GTF2H1: variants seen among roughly 807,000 people sequenced by gnomAD.
The protein encoded by GTF2H1 is BTF2 p62.
In GTF2H1, 16 loss-of-function variants were observed where a neutral mutation model predicts 71.2. That is an observed-to-expected ratio of 0.22 (90% CI 0.15 to 0.34). The LOEUF is 0.34. GTF2H1 is among the 10% of genes least tolerant of loss of function. The pLI, the probability that GTF2H1 is intolerant of heterozygous loss-of-function variation, is 1.00. For synonymous variants in GTF2H1, 215 were observed against 219.0 expected, an observed-to-expected ratio of 0.98 and a Z score of 0.16; for missense variants, 498 against 648.2, an observed-to-expected ratio of 0.77 and a Z score of 2.52.
At chr11:18,364,649 G>A (rs548045729) in intron 14 of GTF2H1, among the ~76,000 whole-genome samples, 3 of 152,210 alleles carry the variant, frequency 2.0e-5, no homozygotes, top group African/African-American at 4.8e-5. Context: ...TCCATGATGA[G>A]GGCAAAATTC....
intron 7 of GTF2H1, among the ~76,000 whole-genome samples, chr11:18,343,694 C>G (rs189568659): frequency 6.6e-5 from 10 of 152,334 alleles, no homozygotes; most frequent in Admixed American, 5.2e-4. Context: ...TCAGGTATTT[C>G]AAAGACATCT....
At chr11:18,325,229 A>G (rs1864733460) in intron 1 of GTF2H1, among the ~76,000 whole-genome samples, 1 of 152,250 alleles carries the variant, frequency 6.6e-6, no homozygotes, top group Non-Finnish European at 1.5e-5. Flanking sequence ...GCAGAGGTGC[A>G]GTAATGTAAA....
chr11:18,355,049 A>G lies in GTF2H1; in HGVS notation c.1260+2603A>G, dbSNP rs576026141. 1.2e-4 allele frequency among the ~76,000 whole-genome samples: 18 copies of G among 151,808 alleles called. No individual in the cohort carries two copies. The East Asian group carries it at 1.6e-3, about 13-fold the overall frequency. ...GGTCTTTAACTCCTGAGCTCAAGCA[A>G]TCCACTCGCCTCGGCCTCCCAAAGT... On this transcript the variant is annotated intron_variant, in intron 11 of 14. Coordinates refer to ENST00000265963, the MANE Select transcript of GTF2H1 (RefSeq NM_005316.4).
intron 14 of GTF2H1, 127 bp from the exon 15 acceptor site, chr11:18,365,656 C>T: frequency 1.5e-6 from 1 of 661,296 alleles, no homozygotes; most frequent in East Asian, 2.6e-5. Flanking sequence ...TTGCACATTA[C>T]CTCATTGACT....
intron 11 of GTF2H1, among the ~76,000 whole-genome samples, chr11:18,355,136 TA>T (rs1865512643): frequency 6.6e-6 from 1 of 151,126 alleles, no homozygotes; most frequent in East Asian, 1.9e-4. Flanking sequence ...AATTTTTCTT[TA>T]TTTTTTTTTT....
intron 9 of GTF2H1, among the ~76,000 whole-genome samples, chr11:18,350,816 A>G (rs1050779255): frequency 3.3e-5 from 5 of 152,214 alleles, no homozygotes; most frequent in East Asian, 1.9e-4. Context: ...TACATAGATC[A>G]TGTATCTTTC....
At chr11:18,345,796 G>GTCTTTTTTTTTTCTTTTTTT (rs75644482) in intron 7 of GTF2H1, among the ~76,000 whole-genome samples, 1 of 125,220 alleles carries the variant, frequency 8.0e-6, no homozygotes, top group East Asian at 2.7e-4. Context: ...GCACATATGA[G>GTCTTTTTTTTTTCTTTTTTT]TTTTTTTTTT....
At chr11:18,343,135 T>C (rs982465913) in intron 7 of GTF2H1, among the ~76,000 whole-genome samples, 2 of 152,234 alleles carry the variant, frequency 1.3e-5, no homozygotes, top group African/African-American at 4.8e-5. Flanking sequence ...TTGGCCGGGC[T>C]GATCTTGAAC....
intron 14 of GTF2H1, 64 bp from the exon 15 acceptor site, chr11:18,365,718 TG>T: frequency 9.7e-7 from 1 of 1,032,850 alleles, no homozygotes; most frequent in Non-Finnish European, 1.5e-6. Context: ...GTGCCAGATT[TG>T]GGTTGGAAGG....
intron 1 of GTF2H1, among the ~76,000 whole-genome samples, chr11:18,327,607 G>C (rs1409743530): frequency 6.6e-6 from 1 of 152,124 alleles, no homozygotes; most frequent in Non-Finnish European, 1.5e-5. Flanking sequence ...TAAGCATTCA[G>C]CAAATTCTAG....
rs1185848618 is a variant in GTF2H1 at position 18,335,803 on chromosome 11, C to G, written c.204C>G (p.Val68=). 2 of 1,613,890 alleles carry G rather than the reference C, an allele frequency of 1.2e-6. No individual in the cohort carries two copies. The highest frequency in any genetic ancestry group is 2.2e-5 in the East Asian group (1 of 44,890). The change falls in exon 3 of 15, where the codon GTC becomes GTG. Residue 68 remains valine, a synonymous_variant. Transcript: ENST00000265963. The part of the protein sequence containing the change: ...EGKAKIQLQL[V]LHAGDTTNFH... ...AAGCTAAAATTCAGCTTCAGCTGGTCCTACATGCAGGGGACACAACTAACT... is the reference window on the plus strand; with the variant it reads ...AAGCTAAAATTCAGCTTCAGCTGGTGCTACATGCAGGGGACACAACTAACT...
intron 5 of GTF2H1, among the ~76,000 whole-genome samples, chr11:18,340,163 A>G (rs867591988): frequency 4.6e-5 from 7 of 152,048 alleles, no homozygotes; most frequent in South Asian, 2.1e-4. Context: ...TGCCACCTCT[A>G]TGAAATCCTG....
intron 9 of GTF2H1, among the ~76,000 whole-genome samples, chr11:18,350,791 A>G (rs768744077): frequency 5.3e-5 from 8 of 152,336 alleles, no homozygotes; most frequent in Non-Finnish European, 8.8e-5. Flanking sequence ...TTCAAGGCTG[A>G]TTTGCACAAA....
chr11:18,326,212 G>A (rs1028017863), intron 1 of GTF2H1: 1 of 152,148 alleles, frequency 6.6e-6, no homozygotes, highest in Non-Finnish European at 1.5e-5. Flanking sequence ...GATATAAATG[G>A]TTTTATATGT....
chr11:18,333,154 T>C lies in GTF2H1; in HGVS notation c.80T>C (p.Met27Thr), dbSNP rs1364277964. ...AAGCAGGATGGAGCTCTGTACCTCA[T>C]GGCAGAAAGAATTGCTTGGGCACCT... ...QKKQDGALYL[M>T]AERIAWAPEG... The change falls in exon 2 of 15, where the codon ATG (methionine) becomes ACG (threonine). Residue 27 changes from methionine (M) to threonine (T), a missense_variant. Met to Thr is a moderately conservative substitution (Grantham distance 81, BLOSUM62 -1). Transcript: ENST00000265963. The C allele has an allele frequency of 1.9e-6, 3 of 1,613,500 alleles. No individual in the cohort carries two copies. The highest frequency in any genetic ancestry group is 1.3e-5 in the African/African-American group (1 of 74,932).
chr11:18,336,015 C>A, intron 3 of GTF2H1, 69 bp downstream of exon 3: 1 of 1,060,498 alleles, frequency 9.4e-7, no homozygotes, highest in Non-Finnish European at 1.3e-6. Flanking sequence ...ATGCTAATAG[C>A]TTGTTAGCTA....
At chr11:18,335,990 C>T in intron 3 of GTF2H1, 44 bp downstream of exon 3, 3 of 1,442,672 alleles carry the variant, frequency 2.1e-6, no homozygotes, top group Non-Finnish European at 1.9e-6. Flanking sequence ...ACTGGGTTCT[C>T]TATAGTCTCC....
chr11:18,363,693 T>C lies in GTF2H1; in HGVS notation c.1561-2090T>C, dbSNP rs533328402. Among the ~76,000 whole-genome samples, 24 of 152,316 alleles carry C rather than the reference T, an allele frequency of 1.6e-4. No homozygotes were observed. The South Asian group carries it at 2.7e-3, about 17-fold the overall frequency. Reference sequence around the variant, plus strand: ...TAATCAGATAGAAGCTTGGAGTGTCTTCTCACAGCAGGGCAAGGATGGCAG... The same window carrying C: ...TAATCAGATAGAAGCTTGGAGTGTCCTCTCACAGCAGGGCAAGGATGGCAG... On this transcript the variant is annotated intron_variant, in intron 14 of 14. Transcript: ENST00000265963.
chr11:18,336,069 CGTTTTT>C (rs775257091), intron 3 of GTF2H1, 123 bp downstream of exon 3: 59 of 621,808 alleles, frequency 9.5e-5, no homozygotes, highest in African/African-American at 1.5e-4. Context: ...TTGTTGTTGT[CGTTTTT>C]GTTTTTGTTT....
Sources: allele counts gnomAD v4.1 joint callset (sites outside exome capture counted in the v4.1 genomes callset), GRCh38; gene constraint gnomAD v4.1.1; transcripts MANE v1.5; gene names NCBI Gene and HGNC (gene_info 2026-07-23, HGNC 2026-07-21).